ANK3: variants seen among roughly 807,000 people sequenced by gnomAD.
The protein encoded by ANK3 is ankyrin-3.
A neutral mutation model predicts 370.9 loss-of-function variants in ANK3; 57 were observed. The observed-to-expected ratio is 0.15, with a 90% CI of 0.12 to 0.19. ANK3 has a LOEUF of 0.19. ANK3 is among the 10% of genes least tolerant of loss of function. The probability of loss-of-function intolerance (pLI) is 1.00; values close to 1 mark genes in which losing one functional copy is unlikely to be tolerated. For missense variants in ANK3, 4,439 were observed against 5,302.1 expected, an observed-to-expected ratio of 0.84 and a Z score of 5.06; for synonymous variants, 1,929 against 1,946.3, an observed-to-expected ratio of 0.99 and a Z score of 0.23.
chr10:60,135,374 G>T (rs566530898), intron 24 of ANK3, among the ~76,000 whole-genome samples: 129 of 152,326 alleles, frequency 8.5e-4, no homozygotes, highest in South Asian at 5.6e-3. Context: ...TTCTAATGAT[G>T]TATGAGGCTT....
In ANK3 at chr10:60,623,260, A is replaced by G. The variant is rs190441925; in HGVS notation, c.58-8036T>C. Among the ~76,000 whole-genome samples, 70 of 152,336 alleles carry G rather than the reference A, an allele frequency of 4.6e-4. No individual in the cohort carries two copies. The East Asian group carries it at 7.7e-3, about 17-fold the overall frequency. On this transcript the variant is annotated intron_variant, in intron 1 of 43. Transcript: ENST00000373827. ...GAAAGAGCATAAGGCAGGTACAAAA[A>G]TAACTGTAATGCAAAGCCAACCGTA...
chr10:60,070,274 G>C lies in ANK3; in HGVS notation c.10607C>G (p.Ala3536Gly). 1.2e-6 allele frequency: 2 copies of C among 1,614,098 alleles called. No homozygotes were observed. The highest frequency in any genetic ancestry group is 1.7e-6 in the Non-Finnish European group (2 of 1,180,016). The change falls in exon 37 of 44, where the codon GCT (alanine) becomes GGT (glycine). Residue 3536 changes from alanine to glycine, a missense_variant. Coordinates refer to ENST00000280772, the MANE Select transcript of ANK3 (RefSeq NM_020987.5). This position sits in a 1 kb window ranked among gnomAD's most constrained non-coding sequence, Gnocchi z 5.7. ...AGGGTCAAAATCTAGACCTTTGGTA[G>C]CTACTGTTTTAAAAGGAGTGGCAAA... ...EEFATPFKTVATKGLDFDPWS... is the reference protein window; with the variant it reads ...EEFATPFKTVGTKGLDFDPWS...
At chr10:60,564,970 A>G (rs2077423275) in intron 2 of ANK3, among the ~76,000 whole-genome samples, 1 of 152,096 alleles carries the variant, frequency 6.6e-6, no homozygotes, top group African/African-American at 2.4e-5. Flanking sequence ...TTTTTCTCCA[A>G]TTTGCCCCTT....
chr10:60,483,128 A>G (rs1385629462), intron 2 of ANK3, among the ~76,000 whole-genome samples: 1 of 152,132 alleles, frequency 6.6e-6, no homozygotes, highest in Non-Finnish European at 1.5e-5. Context: ...AAATTAATGA[A>G]GTTATGTATC....
intron 6 of ANK3, among the ~76,000 whole-genome samples, chr10:60,263,031 C>A (rs548241041): frequency 6.6e-6 from 1 of 151,940 alleles, no homozygotes; most frequent in Admixed American, 6.6e-5. Flanking sequence ...GAAGGCGATG[C>A]AAAGAAGAAG....
chr10:60,642,638 G>GGT (rs996603260), intron 1 of ANK3, among the ~76,000 whole-genome samples: 5 of 26,092 alleles, frequency 1.9e-4, no homozygotes, highest in East Asian at 9.6e-4. Flanking sequence ...GTTGTGGGGT[G>GGT]GGGGGGCGAG....
chr10:60,509,853 G>A (rs185609631), intron 2 of ANK3, among the ~76,000 whole-genome samples: 4 of 152,168 alleles, frequency 2.6e-5, no homozygotes, highest in African/African-American at 4.8e-5. Flanking sequence ...TTTAAGGATT[G>A]TTCATAGGAC....
intron 2 of ANK3, among the ~76,000 whole-genome samples, chr10:60,395,825 G>A (rs561419483): frequency 2.6e-5 from 4 of 152,064 alleles, no homozygotes; most frequent in Non-Finnish European, 5.9e-5. Flanking sequence ...TTCCATGGGC[G>A]AGAAAGACAA....
intron 9 of ANK3, among the ~76,000 whole-genome samples, chr10:60,212,439 T>C (rs2132455956): frequency 6.6e-6 from 1 of 151,854 alleles, no homozygotes; most frequent in African/African-American, 2.4e-5. Flanking sequence ...GGAAAGAAAA[T>C]AGATATGGGG....
At chr10:60,422,716 T>C (rs2063803778) in intron 2 of ANK3, among the ~76,000 whole-genome samples, 1 of 152,082 alleles carries the variant, frequency 6.6e-6, no homozygotes. Flanking sequence ...AGGGAAGTTT[T>C]AAAAATGCAA....
At chr10:60,626,792 C>T (rs1380752891) in intron 1 of ANK3, among the ~76,000 whole-genome samples, 3 of 152,138 alleles carry the variant, frequency 2.0e-5, no homozygotes, top group Admixed American at 1.3e-4. Context: ...ACAGGGTTAA[C>T]AGGTCCAAAG....
chr10:60,260,033 G>A (rs758904833), intron 7 of ANK3, among the ~76,000 whole-genome samples: 2 of 152,226 alleles, frequency 1.3e-5, no homozygotes, highest in South Asian at 2.1e-4. Context: ...GAAGGCTTTC[G>A]GCAAGCTCAT....
rs534817137 is a variant in ANK3 at position 60,362,119 on chromosome 10, GGAT to G, written c.114+27303_114+27305del. Reference sequence around the variant, plus strand: ...GCCCCACAACATATCTATACTCTCAGGATGTCCTATGTGGTCACTTTTAATGAT... The same window carrying G: ...GCCCCACAACATATCTATACTCTCAGGTCCTATGTGGTCACTTTTAATGAT... On this transcript the variant is annotated intron_variant, in intron 1 of 43. Transcript: ENST00000280772. 2.7e-3 allele frequency among the ~76,000 whole-genome samples: 414 copies of G among 152,052 alleles called. 1 individual carries two copies. The highest frequency in any genetic ancestry group is 9.6e-3 in the African/African-American group (396 of 41,442).
At chr10:60,234,824 T>C (rs1258624602) in intron 7 of ANK3, 38 bp from the exon 8 acceptor site, 2 of 1,439,430 alleles carry the variant, frequency 1.4e-6, no homozygotes, top group African/African-American at 1.4e-5. Flanking sequence ...TTGATATTTT[T>C]GGTTTCAACA....
intron 2 of ANK3, among the ~76,000 whole-genome samples, chr10:60,586,220 T>C (rs1042703591): frequency 4.0e-5 from 6 of 151,842 alleles, no homozygotes; most frequent in Non-Finnish European, 8.8e-5. Flanking sequence ...TGGATGAAAA[T>C]GGATAAGAAA....
chr10:60,638,948 G>A (rs1426873603), intron 1 of ANK3, among the ~76,000 whole-genome samples: 2 of 151,908 alleles, frequency 1.3e-5, no homozygotes, highest in Non-Finnish European at 2.9e-5. Flanking sequence ...GGGGGGAGAA[G>A]TACAAATATA....
chr10:60,273,510 C>T (rs981227765), intron 4 of ANK3, among the ~76,000 whole-genome samples: 1 of 152,224 alleles, frequency 6.6e-6, no homozygotes, highest in East Asian at 1.9e-4. Context: ...TCCCCATTTC[C>T]CCCTAGTAAC....
At chr10:60,279,774 T>C (rs2098135500) in intron 1 of ANK3, 135 bp from the exon 2 acceptor site, 1 of 722,886 alleles carries the variant, frequency 1.4e-6, no homozygotes, top group Non-Finnish European at 2.3e-6. Flanking sequence ...AAAAGTTCTT[T>C]GTAAAAAGAA....
At chr10:60,043,080 C>A in intron 42 of ANK3, 2 of 1,065,358 alleles carry the variant, frequency 1.9e-6, no homozygotes, top group African/African-American at 3.3e-5. Context: ...GCTCACAAGG[C>A]AGCAGAATTG....
Sources: gnomAD v4.1 joint callset for allele counts (sites outside exome capture counted in the v4.1 genomes callset) on GRCh38, gnomAD v4.1.1 for gene constraint, Gnocchi (gnomAD v3.1) non-coding constraint, MANE v1.5 for transcripts, NCBI Gene and HGNC (gene_info 2026-07-23, HGNC 2026-07-21) for gene names.